NBAS: variants seen among roughly 807,000 people sequenced by gnomAD.
NBAS encodes NAG/BC035112 fusion.
NBAS carries 219 observed loss-of-function variants against 302.5 expected under a neutral mutation model. The observed-to-expected ratio is 0.72, with a 90% CI of 0.65 to 0.81. The LOEUF (loss-of-function observed/expected upper bound fraction) is 0.81. NBAS is among the 30% of genes least tolerant of loss of function. The probability of loss-of-function intolerance (pLI) is 0.00; values close to 1 mark genes in which losing one functional copy is unlikely to be tolerated. For synonymous variants in NBAS, 1,118 were observed against 1,021.6 expected, an observed-to-expected ratio of 1.09 and a Z score of -1.80; for missense variants, 2,932 against 2,841.6, an observed-to-expected ratio of 1.03 and a Z score of -0.72.
Position 15,292,589 on chromosome 2 carries a change from G to T in NBAS, c.4975C>A (p.Arg1659=). 6.2e-7 allele frequency: 1 copy of T among 1,614,130 alleles called. No individual in the cohort carries two copies. The highest frequency in any genetic ancestry group is 8.5e-7 in the Non-Finnish European group (1 of 1,180,028). Residue 1659 remains arginine (R), a synonymous_variant, in exon 41 of 52, where the codon CGG becomes AGG. Coordinates refer to ENST00000281513, the MANE Select transcript of NBAS (RefSeq NM_015909.4). ...QGLRKGVDVQ[R]FTADDQYKRE... ...TTATACTGGTCATCTGCAGTAAACC[G>T]CTGCACGTCCACACCCTTCCGAAGG...
intron 16 of NBAS, among the ~76,000 whole-genome samples, chr2:15,469,864 C>T (rs1171948804): frequency 1.3e-5 from 2 of 150,898 alleles, no homozygotes; most frequent in East Asian, 2.0e-4. Flanking sequence ...GGAGGGATAG[C>T]ATTAGGAGAT....
intron 21 of NBAS, among the ~76,000 whole-genome samples, chr2:15,452,424 T>A (rs1338562690): frequency 4.8e-4 from 26 of 54,512 alleles, no homozygotes; most frequent in African/African-American, 3.2e-3. Context: ...TGAAACCCCG[T>A]CTCTACTAAA....
chr2:15,012,261 A>G, the NBAS span, among the ~76,000 whole-genome samples: 1 of 152,146 alleles, frequency 6.6e-6, no homozygotes, highest in African/African-American at 2.4e-5. Context: ...GAAGAATTCA[A>G]TAACTGAAAT....
intron 42 of NBAS, among the ~76,000 whole-genome samples, chr2:15,284,455 C>T (rs1242465106): frequency 6.6e-6 from 1 of 152,182 alleles, no homozygotes; most frequent in Non-Finnish European, 1.5e-5. Context: ...TATGATTCAT[C>T]TGCTATATAA....
chr2:15,023,507 C>T, the NBAS span, among the ~76,000 whole-genome samples: 1 of 151,770 alleles, frequency 6.6e-6, no homozygotes, highest in African/African-American at 2.4e-5. Flanking sequence ...TTGCCCATTG[C>T]TTTATAAAAA....
the NBAS span, among the ~76,000 whole-genome samples, chr2:14,980,011 T>G: frequency 2.6e-5 from 4 of 152,116 alleles, no homozygotes; most frequent in East Asian, 7.7e-4. Flanking sequence ...AAGGTCAAAC[T>G]GAATAGAAGA....
intron 40 of NBAS, among the ~76,000 whole-genome samples, chr2:15,307,493 T>C (rs1001872025): frequency 1.3e-5 from 2 of 152,234 alleles, no homozygotes; most frequent in South Asian, 4.1e-4. Flanking sequence ...TGGATTTATG[T>C]ACACAGTGGA....
intron 46 of NBAS, among the ~76,000 whole-genome samples, chr2:15,234,311 G>A (rs558787963): frequency 6.6e-6 from 1 of 152,272 alleles, no homozygotes; most frequent in South Asian, 2.1e-4. Flanking sequence ...ATTGTAAAAG[G>A]GGGTCCAACC....
the NBAS span, among the ~76,000 whole-genome samples, chr2:15,138,177 G>C: frequency 5.6e-4 from 86 of 152,252 alleles, no homozygotes; most frequent in Non-Finnish European, 1.1e-3. Flanking sequence ...GGAAACAGTC[G>C]GGTGGACAGC....
At chr2:15,295,894 C>A (rs776873167) in intron 40 of NBAS, among the ~76,000 whole-genome samples, 1 of 150,170 alleles carries the variant, frequency 6.7e-6, no homozygotes, top group Non-Finnish European at 1.5e-5. Flanking sequence ...AAAAGAATGT[C>A]AATAGCACAT....
intron 31 of NBAS, among the ~76,000 whole-genome samples, chr2:15,369,400 G>C (rs1043076735): frequency 5.9e-5 from 9 of 152,108 alleles, no homozygotes; most frequent in Non-Finnish European, 1.3e-4. Context: ...TTGATTATTT[G>C]TCTCCTGTTG....
chr2:15,125,972 G>A, the NBAS span, among the ~76,000 whole-genome samples: 1 of 152,118 alleles, frequency 6.6e-6, no homozygotes, highest in Non-Finnish European at 1.5e-5. Flanking sequence ...GGGGGACTGG[G>A]GCAGAATAAT....
At chr2:15,424,913 T>C (rs1558326131) in intron 22 of NBAS, among the ~76,000 whole-genome samples, 2 of 152,178 alleles carry the variant, frequency 1.3e-5, no homozygotes, top group Non-Finnish European at 1.5e-5. Flanking sequence ...TTGTTTTCGA[T>C]GTTCATAAAA....
At position 15,520,217 on chromosome 2, in the gene NBAS, C is replaced by A. The variant is rs1454543765; in HGVS notation, c.747-8867G>T. Among the ~76,000 whole-genome samples the A allele has an allele frequency of 6.6e-5, 10 of 152,268 alleles. 1 individual carries two copies. The South Asian group carries it at 1.5e-3, about 22-fold the overall frequency. ...AAGAGTTAGAGACCAGCTTGAGCAA[C>A]ATGGCAAGACCCCATCGCTTCAAAA... is the stretch of plus-strand genomic sequence containing the variant. On this transcript the variant is annotated intron_variant, in intron 9 of 51. Coordinates refer to ENST00000281513, the MANE Select transcript of NBAS (RefSeq NM_015909.4).
the NBAS span, among the ~76,000 whole-genome samples, chr2:14,880,229 T>C: frequency 6.6e-6 from 1 of 152,162 alleles, no homozygotes; most frequent in Non-Finnish European, 1.5e-5. Flanking sequence ...TACCTTTTCA[T>C]AGATACATTA....
At chr2:14,917,073 A>C in the NBAS span, among the ~76,000 whole-genome samples, 1 of 152,244 alleles carries the variant, frequency 6.6e-6, no homozygotes, top group Non-Finnish European at 1.5e-5. Context: ...TTTTAAATGA[A>C]TGTATTAGCT....
At chr2:15,380,179 A>G (rs1413783078) in intron 29 of NBAS, among the ~76,000 whole-genome samples, 3 of 151,768 alleles carry the variant, frequency 2.0e-5, no homozygotes, top group Admixed American at 6.6e-5. Context: ...ATACTGTCCC[A>G]CTCTCAACAG....
At chr2:15,483,741 G>C (rs918679239) in intron 12 of NBAS, among the ~76,000 whole-genome samples, 5 of 152,078 alleles carry the variant, frequency 3.3e-5, no homozygotes, top group African/African-American at 1.2e-4. Flanking sequence ...ATCACACAAA[G>C]CATATTATAA....
chr2:15,173,927 A>G (rs1572394339), intron 51 of NBAS, among the ~76,000 whole-genome samples: 1 of 152,356 alleles, frequency 6.6e-6, no homozygotes, highest in East Asian at 1.9e-4. Flanking sequence ...TCGCATCTTT[A>G]CAAGCGTCTT....
Sources: allele counts gnomAD v4.1 joint callset (sites outside exome capture counted in the v4.1 genomes callset), GRCh38; gene constraint gnomAD v4.1.1; transcripts MANE v1.5; gene names NCBI Gene and HGNC (gene_info 2026-07-23, HGNC 2026-07-21).